SLC35D4: variants seen among roughly 807,000 people sequenced by gnomAD.
The protein encoded by SLC35D4 is solute carrier family 35 member D4, also known as UDP-N-acetylglucosamine transporter SLC35D4.
chr18:23,332,462 T>C, the SLC35D4 span, among the ~76,000 whole-genome samples: 1 of 152,202 alleles, frequency 6.6e-6, no homozygotes, highest in Non-Finnish European at 1.5e-5. Flanking sequence ...AGCATAAATA[T>C]CATTCTACAA....
the SLC35D4 span, among the ~76,000 whole-genome samples, chr18:23,318,108 CTTTCTT>C: frequency 6.6e-6 from 1 of 152,160 alleles, no homozygotes; most frequent in Non-Finnish European, 1.5e-5. Flanking sequence ...TCCTGGTTAT[CTTTCTT>C]TTTAATTCTA....
the SLC35D4 span, among the ~76,000 whole-genome samples, chr18:23,288,905 C>A: frequency 2.1e-4 from 32 of 152,152 alleles, no homozygotes; most frequent in African/African-American, 7.5e-4. Flanking sequence ...CCAAGCTCAG[C>A]CACCAACTTA....
chr18:23,374,150 C>T, the SLC35D4 span, among the ~76,000 whole-genome samples: 1 of 152,190 alleles, frequency 6.6e-6, no homozygotes, highest in Non-Finnish European at 1.5e-5. Context: ...CACAAATATG[C>T]CTGTTTCAAA....
the SLC35D4 span, among the ~76,000 whole-genome samples, chr18:23,262,510 CTGAT>C: frequency 6.6e-6 from 1 of 152,264 alleles, no homozygotes; most frequent in African/African-American, 2.4e-5. Flanking sequence ...TGGACTGACA[CTGAT>C]TGACGTCCAC....
the SLC35D4 span, among the ~76,000 whole-genome samples, chr18:23,436,057 A>T: frequency 7.6e-6 from 1 of 131,544 alleles, no homozygotes; most frequent in Admixed American, 8.1e-5. Context: ...TTTTTTTGAA[A>T]CTGAGTCTTG....
At chr18:23,392,240 T>C in the SLC35D4 span, among the ~76,000 whole-genome samples, 1 of 152,150 alleles carries the variant, frequency 6.6e-6, no homozygotes, top group African/African-American at 2.4e-5. Context: ...GCTGGCCCTT[T>C]TACTTAGATT....
chr18:23,363,510 G>A, the SLC35D4 span, among the ~76,000 whole-genome samples: 2 of 151,114 alleles, frequency 1.3e-5, no homozygotes, highest in African/African-American at 4.9e-5. Flanking sequence ...GAGTAGCTGG[G>A]ACTACAGGCG....
At chr18:23,424,343 G>A in the SLC35D4 span, among the ~76,000 whole-genome samples, 1 of 152,186 alleles carries the variant, frequency 6.6e-6, no homozygotes, top group Non-Finnish European at 1.5e-5. Flanking sequence ...GCAGGGATCT[G>A]TTTCCTTCAC....
chr18:23,394,448 A>G, the SLC35D4 span, among the ~76,000 whole-genome samples: 15 of 152,338 alleles, frequency 9.8e-5, no homozygotes, highest in Admixed American at 3.3e-4. Context: ...TATATAGCCT[A>G]TAAGTGAATC....
At chr18:23,261,790 G>T in the SLC35D4 span, among the ~76,000 whole-genome samples, 2 of 152,148 alleles carry the variant, frequency 1.3e-5, no homozygotes, top group African/African-American at 4.8e-5. Flanking sequence ...TCTCCAAGGG[G>T]TATCATACAG....
At chr18:23,394,827 T>A in the SLC35D4 span, among the ~76,000 whole-genome samples, 13 of 151,498 alleles carry the variant, frequency 8.6e-5, no homozygotes. Flanking sequence ...ATACTAAAAA[T>A]ACAAAAGTAG....
chr18:23,257,163 A>G, the SLC35D4 span: 18 of 1,578,676 alleles, frequency 1.1e-5, no homozygotes, highest in Non-Finnish European at 1.5e-5. Flanking sequence ...AGAAGCTGCA[A>G]TTGCAGAAAG....
At chr18:23,319,114 GATT>G in the SLC35D4 span, among the ~76,000 whole-genome samples, 3 of 152,092 alleles carry the variant, frequency 2.0e-5, no homozygotes, top group Non-Finnish European at 4.4e-5. Flanking sequence ...AGAGTGCTGG[GATT>G]ACAGATGTGA....
the SLC35D4 span, among the ~76,000 whole-genome samples, chr18:23,412,269 A>T: frequency 6.6e-6 from 1 of 152,212 alleles, no homozygotes; most frequent in Non-Finnish European, 1.5e-5. Flanking sequence ...CAGAGCCAAG[A>T]TCATGCCACT....
the SLC35D4 span, among the ~76,000 whole-genome samples, chr18:23,398,988 T>G: frequency 6.6e-6 from 1 of 152,236 alleles, no homozygotes; most frequent in South Asian, 2.1e-4. Flanking sequence ...TAAATAAATT[T>G]TTGGAGTTCC....
At chr18:23,245,485 G>A in the SLC35D4 span, among the ~76,000 whole-genome samples, 1 of 148,444 alleles carries the variant, frequency 6.7e-6, no homozygotes, top group Non-Finnish European at 1.5e-5. Context: ...CTGGGCAACA[G>A]AGTCACCCAT....
chr18:23,387,685 C>T, the SLC35D4 span, among the ~76,000 whole-genome samples: 5 of 152,240 alleles, frequency 3.3e-5, no homozygotes, highest in Middle Eastern at 3.4e-3. Flanking sequence ...TGTTCTAACT[C>T]GCACTGTTTC....
chr18:23,360,756 A>G, the SLC35D4 span, among the ~76,000 whole-genome samples: 9 of 152,208 alleles, frequency 5.9e-5, no homozygotes, highest in Admixed American at 2.6e-4. Context: ...TGTAAATTAC[A>G]TATCAATTTA....
At chr18:23,414,656 G>A in the SLC35D4 span, among the ~76,000 whole-genome samples, 1 of 151,080 alleles carries the variant, frequency 6.6e-6, no homozygotes, top group African/African-American at 2.4e-5. Flanking sequence ...TTGGGTGACA[G>A]AGCGAAACTC....
Sources: gnomAD v4.1 joint callset for allele counts (sites outside exome capture counted in the v4.1 genomes callset) on GRCh38, gnomAD v4.1.1 for gene constraint, MANE v1.5 for transcripts, NCBI Gene and HGNC (gene_info 2026-07-23, HGNC 2026-07-21) for gene names.